Variants in ERC2 observed in about 807,000 individuals in gnomAD.
The protein encoded by ERC2 is ERC protein 2.
In ERC2, 42 loss-of-function variants were observed where a neutral mutation model predicts 114.8. The observed-to-expected ratio is 0.37, with a 90% CI of 0.29 to 0.47. The LOEUF (loss-of-function observed/expected upper bound fraction) is 0.47. ERC2 is among the 20% of genes least tolerant of loss of function. The probability of loss-of-function intolerance (pLI) is 0.99; values close to 1 mark genes in which losing one functional copy is unlikely to be tolerated. For synonymous variants in ERC2, 454 were observed against 425.5 expected (o/e 1.07, Z -0.82); for missense variants, 939 against 1,150.7 (o/e 0.82, Z 2.66).
intron 13 of ERC2, among the ~76,000 whole-genome samples, chr3:55,907,447 C>T (rs578216060): frequency 6.6e-5 from 10 of 152,236 alleles, no homozygotes; most frequent in East Asian, 1.9e-4. Context: ...GCATCAGGTA[C>T]GTACTCAGTG....
At chr3:56,241,817 T>TGC (rs1405485157) in intron 3 of ERC2, among the ~76,000 whole-genome samples, 5 of 152,178 alleles carry the variant, frequency 3.3e-5, no homozygotes, top group African/African-American at 1.2e-4. Flanking sequence ...CTCACCTACA[T>TGC]GCTAGAGCAG....
chr3:55,561,265 T>A (rs772065532), intron 17 of ERC2, among the ~76,000 whole-genome samples: 2 of 152,168 alleles, frequency 1.3e-5, no homozygotes, highest in African/African-American at 4.8e-5. Context: ...TTTGGCAAAT[T>A]TCTTTACTTC....
intron 3 of ERC2, among the ~76,000 whole-genome samples, chr3:56,248,382 C>A (rs2051870829): frequency 6.6e-6 from 1 of 152,218 alleles, no homozygotes; most frequent in South Asian, 2.1e-4. Flanking sequence ...GTGTGAGTCA[C>A]TGTGCCTGGC....
intron 2 of ERC2, among the ~76,000 whole-genome samples, chr3:56,363,355 A>G (rs943636571): frequency 6.6e-6 from 1 of 152,192 alleles, no homozygotes; most frequent in Admixed American, 6.5e-5. Flanking sequence ...CAATTAATCA[A>G]ATACTCATGC....
chr3:56,263,038 C>T (rs2053047474), intron 3 of ERC2, among the ~76,000 whole-genome samples: 1 of 152,124 alleles, frequency 6.6e-6, no homozygotes, highest in Non-Finnish European at 1.5e-5. Context: ...TAATACTAGC[C>T]CATTTCCATT....
intron 2 of ERC2, among the ~76,000 whole-genome samples, chr3:56,433,500 G>A (rs1321590302): frequency 6.6e-6 from 1 of 152,234 alleles, no homozygotes; most frequent in Non-Finnish European, 1.5e-5. Flanking sequence ...GAATTACCAG[G>A]CAGTGGTACA....
intron 17 of ERC2, among the ~76,000 whole-genome samples, chr3:55,571,534 T>G (rs2056714079): frequency 6.6e-6 from 1 of 152,156 alleles, no homozygotes; most frequent in African/African-American, 2.4e-5. Flanking sequence ...CAGAGTCCAC[T>G]GAAATTATTC....
intron 2 of ERC2, among the ~76,000 whole-genome samples, chr3:56,370,284 C>T (rs1468091183): frequency 6.6e-6 from 1 of 152,182 alleles, no homozygotes; most frequent in Non-Finnish European, 1.5e-5. Context: ...ACTACCTCTG[C>T]CCTGGATGGA....
intron 17 of ERC2, among the ~76,000 whole-genome samples, chr3:55,664,745 C>G (rs1217804687): frequency 1.3e-5 from 2 of 152,166 alleles, no homozygotes; most frequent in Non-Finnish European, 2.9e-5. Context: ...GTGGGGAAAC[C>G]AAACGCTCTT....
intron 2 of ERC2, among the ~76,000 whole-genome samples, chr3:56,350,972 G>A (rs1249893724): frequency 6.6e-6 from 1 of 152,160 alleles, no homozygotes; most frequent in East Asian, 1.9e-4. Flanking sequence ...GAGAGTTCAA[G>A]CCCAAGGTCA....
intron 17 of ERC2, among the ~76,000 whole-genome samples, chr3:55,639,767 G>T (rs2060098800): frequency 1.3e-5 from 2 of 152,068 alleles, no homozygotes; most frequent in South Asian, 4.2e-4. Context: ...GTTTTTGTGG[G>T]GTATGTGTGC....
chr3:56,043,440 C>T (rs1032705853), intron 7 of ERC2, among the ~76,000 whole-genome samples: 11 of 151,966 alleles, frequency 7.2e-5, no homozygotes, highest in African/African-American at 2.7e-4. Context: ...ATATACCTTT[C>T]ATTTGTAATG....
At chr3:55,654,885 A>G (rs2060789347) in intron 17 of ERC2, among the ~76,000 whole-genome samples, 1 of 152,180 alleles carries the variant, frequency 6.6e-6, no homozygotes, top group Non-Finnish European at 1.5e-5. Flanking sequence ...TCTCATTGAC[A>G]CTGTGGGTGC....
intron 17 of ERC2, among the ~76,000 whole-genome samples, chr3:55,594,347 A>G (rs2058037163): frequency 6.6e-6 from 1 of 152,170 alleles, no homozygotes. Flanking sequence ...TAGGCCTGAA[A>G]ACACAATTGC....
At chr3:55,616,602 T>TGAG in intron 17 of ERC2, among the ~76,000 whole-genome samples, 1 of 151,368 alleles carries the variant, frequency 6.6e-6, no homozygotes, top group Non-Finnish European at 1.5e-5. Flanking sequence ...TAAAGCACAT[T>TGAG]TTAATCGTAA....
At chr3:55,939,330 G>A (rs896038702) in intron 13 of ERC2, among the ~76,000 whole-genome samples, 4 of 152,112 alleles carry the variant, frequency 2.6e-5, no homozygotes, top group African/African-American at 4.8e-5. Flanking sequence ...TGCCTAAATC[G>A]GCATTTGCCC....
chr3:55,718,003 G>A (rs146522985), intron 15 of ERC2, among the ~76,000 whole-genome samples: 3 of 152,250 alleles, frequency 2.0e-5, no homozygotes, highest in South Asian at 4.2e-4. Context: ...AGGAGATGTC[G>A]GGATAATTTT....
chr3:55,814,243 T>C (rs528852801), intron 14 of ERC2, among the ~76,000 whole-genome samples: 1 of 152,308 alleles, frequency 6.6e-6, no homozygotes, highest in East Asian at 1.9e-4. Context: ...TAGACATGCA[T>C]AATCCAACCT....
At chr3:56,191,298 C>A (rs1303786896) in intron 3 of ERC2, among the ~76,000 whole-genome samples, 1 of 152,060 alleles carries the variant, frequency 6.6e-6, no homozygotes, top group Non-Finnish European at 1.5e-5. Context: ...GGTATAGAGT[C>A]CTCAGCCACG....
Sources: allele counts gnomAD v4.1 joint callset (sites outside exome capture counted in the v4.1 genomes callset), GRCh38; gene constraint gnomAD v4.1.1; transcripts MANE v1.5; gene names NCBI Gene and HGNC (gene_info 2026-07-23, HGNC 2026-07-21).